The following LAMC1 variants were observed in gnomAD, a reference collection of about 807,000 sequenced individuals.
LAMC1 encodes the protein laminin subunit gamma-1.
LAMC1 carries 38 observed loss-of-function variants against 173.6 expected under a neutral mutation model. The observed-to-expected ratio is 0.22, with a 90% CI of 0.17 to 0.29. The LOEUF (loss-of-function observed/expected upper bound fraction) is 0.29. LAMC1 is among the 10% of genes least tolerant of loss of function. LAMC1 has a pLI of 1.00. For missense variants in LAMC1, 1,824 were observed against 2,051.8 expected (o/e 0.89, Z 2.14); for synonymous variants, 746 against 749.1 (o/e 1.00, Z 0.07).
chr1:183,101,986 CCCTGAATTGACCTCA>C (rs1655845665), intron 1 of LAMC1, among the ~76,000 whole-genome samples: 1 of 152,158 alleles, frequency 6.6e-6, no homozygotes, highest in Non-Finnish European at 1.5e-5. Flanking sequence ...CTCTTTTCCT[CCCTGAATTGACCTCA>C]CCCACTTACT....
At chr1:183,107,466 G>C (rs949047142) in intron 2 of LAMC1, among the ~76,000 whole-genome samples, 24 of 152,114 alleles carry the variant, frequency 1.6e-4, no homozygotes, top group African/African-American at 5.6e-4. Context: ...ATTTATTAGC[G>C]AGTACTTGAG....
intron 1 of LAMC1, among the ~76,000 whole-genome samples, chr1:183,050,272 T>C (rs1654380750): frequency 6.6e-6 from 1 of 151,002 alleles, no homozygotes; most frequent in Non-Finnish European, 1.5e-5. Flanking sequence ...CTGCTTGTTT[T>C]CTCAGATTCT....
chr1:183,048,475 T>C (rs2102020881), intron 1 of LAMC1, among the ~76,000 whole-genome samples: 1 of 152,342 alleles, frequency 6.6e-6, no homozygotes, highest in Middle Eastern at 3.4e-3. Flanking sequence ...CAGAATGACA[T>C]CCAATTCTGT....
At position 183,086,252 on chromosome 1, in the gene LAMC1, G is replaced by A. The variant is rs145920843; in HGVS notation, c.419-17076G>A. On this transcript the variant is annotated intron_variant, in intron 1 of 27. Coordinates refer to ENST00000258341, the MANE Select transcript of LAMC1 (RefSeq NM_002293.4). ...CAATGTGCTTATATGGCCGCGTTGCGATTATAATCCTCCTACATGCATAAG... is the reference window on the plus strand; with the variant it reads ...CAATGTGCTTATATGGCCGCGTTGCAATTATAATCCTCCTACATGCATAAG... 1.3e-3 allele frequency among the ~76,000 whole-genome samples: 195 copies of A among 152,304 alleles called. 1 individual carries two copies. Among genetic ancestry groups the A allele is most frequent in the Non-Finnish European group, 2.3e-3 (159 of 68,024 alleles).
chr1:183,029,646 T>C (rs1287710566), intron 1 of LAMC1, among the ~76,000 whole-genome samples: 1 of 152,150 alleles, frequency 6.6e-6, no homozygotes, highest in Non-Finnish European at 1.5e-5. Context: ...CTCCCCTTTC[T>C]GCCCCACTCC....
At chr1:183,057,910 A>T (rs961191827) in intron 1 of LAMC1, among the ~76,000 whole-genome samples, 1 of 152,146 alleles carries the variant, frequency 6.6e-6, no homozygotes, top group Non-Finnish European at 1.5e-5. Flanking sequence ...TAAACATATT[A>T]TATATTTTTA....
In LAMC1 at chr1:183,133,387, C is replaced by G; in HGVS notation, c.3705-19C>G. ...AAAGCAGCTAAGATTGTCATTAAAC[C>G]ACATTATTTGTGTCTTAGGTATGAA... On this transcript the variant is annotated intron_variant, in intron 21 of 27. Transcript: ENST00000258341. The G allele has an allele frequency of 6.3e-7, 1 of 1,599,168 alleles. No homozygotes were observed. Among genetic ancestry groups the G allele is most frequent in the Non-Finnish European group, 8.6e-7 (1 of 1,169,512 alleles).
intron 1 of LAMC1, among the ~76,000 whole-genome samples, chr1:183,043,525 A>G (rs574246775): frequency 1.1e-4 from 17 of 152,340 alleles, no homozygotes; most frequent in Admixed American, 9.2e-4. Flanking sequence ...ATAAGCAGAT[A>G]AAGTTTAATA....
At chr1:183,139,413 G>A (rs548745160) in intron 26 of LAMC1, among the ~76,000 whole-genome samples, 13 of 152,308 alleles carry the variant, frequency 8.5e-5, no homozygotes, top group Middle Eastern at 3.4e-3. Context: ...GAGACCACAG[G>A]TTAAATGCAG....
intron 18 of LAMC1, among the ~76,000 whole-genome samples, chr1:183,129,829 T>TA (rs11444089): frequency 0.52 from 78,707 of 151,970 alleles, 21,079 homozygotes; most frequent in South Asian, 0.65. Context: ...ATTACACTGA[T>TA]ATGCTGGCAC....
intron 1 of LAMC1, among the ~76,000 whole-genome samples, chr1:183,036,633 C>T (rs186248795): frequency 6.6e-6 from 1 of 152,164 alleles, no homozygotes; most frequent in Admixed American, 6.5e-5. Context: ...TCAAGTGATC[C>T]GCCCGCCTCG....
At chr1:183,024,690 TC>T (rs200312808) in intron 1 of LAMC1, among the ~76,000 whole-genome samples, 1,811 of 152,342 alleles carry the variant, frequency 0.012, 31 homozygotes, top group African/African-American at 0.039. Flanking sequence ...AAGTTATTGT[TC>T]TTTATAGCTG....
chr1:183,125,260 A>G, intron 14 of LAMC1, 137 bp from the exon 15 acceptor site: 1 of 817,932 alleles, frequency 1.2e-6, no homozygotes, highest in South Asian at 1.6e-5. Flanking sequence ...AGCCACATTT[A>G]AAGTGCTCAG....
chr1:183,029,560 A>T (rs962340139), intron 1 of LAMC1, among the ~76,000 whole-genome samples: 1 of 152,096 alleles, frequency 6.6e-6, no homozygotes, highest in African/African-American at 2.4e-5. Flanking sequence ...TTGTTGCTTC[A>T]CGTGTTCACA....
In LAMC1 at chr1:183,117,289, A is replaced by G. The variant is rs373029035; in HGVS notation, c.1565-31A>G. On this transcript the variant is annotated intron_variant, in intron 8 of 27. Transcript: ENST00000258341. ...CTGAATTCAGGATGTTTACAGTGTA[A>G]AGTGCTTGTGTTTTCCTTCTCTACC... 47 of 1,590,610 alleles carry G rather than the reference A, an allele frequency of 3.0e-5. No individual in the cohort carries two copies. The South Asian group carries it at 5.2e-4, about 18-fold the overall frequency.
At chr1:183,031,878 G>T (rs2102007573) in intron 1 of LAMC1, among the ~76,000 whole-genome samples, 1 of 151,830 alleles carries the variant, frequency 6.6e-6, no homozygotes, top group Non-Finnish European at 1.5e-5. Flanking sequence ...AACTTGCCCT[G>T]TGGAGAAGAA....
chr1:183,135,102 A>G lies in LAMC1; in HGVS notation c.4060A>G (p.Lys1354Glu). 6.2e-7 allele frequency: 1 copy of G among 1,614,172 alleles called. No individual in the cohort carries two copies. Among genetic ancestry groups the G allele is most frequent in the Non-Finnish European group, 8.5e-7 (1 of 1,180,010 alleles). Residue 1354 changes from lysine (K) to glutamate (E), a missense_variant, in exon 24 of 28, where the codon AAG (lysine) becomes GAG (glutamate). Lys to Glu is a moderately conservative substitution (Grantham distance 56, BLOSUM62 1). Coordinates refer to ENST00000258341, the MANE Select transcript of LAMC1 (RefSeq NM_002293.4). ...CAAGGCCCTCGCTGAAGAAGCTGCAAAGAAGGGACGGGATACCTTACAAGA... is the reference window on the plus strand; with the variant it reads ...CAAGGCCCTCGCTGAAGAAGCTGCAGAGAAGGGACGGGATACCTTACAAGA... Reference protein sequence around the residue: ...AAKALAEEAAKKGRDTLQEAN... With the variant: ...AAKALAEEAAEKGRDTLQEAN...
At chr1:183,029,301 C>T (rs1021281486) in intron 1 of LAMC1, among the ~76,000 whole-genome samples, 4 of 152,160 alleles carry the variant, frequency 2.6e-5, no homozygotes, top group African/African-American at 9.7e-5. Flanking sequence ...CTGTAAGTTC[C>T]TTACTGTAAG....
At chr1:183,127,173 A>G in intron 16 of LAMC1, 53 bp from the exon 17 acceptor site, 1 of 1,524,514 alleles carries the variant, frequency 6.6e-7, no homozygotes, top group Admixed American at 1.7e-5. Context: ...GAATTAAGAG[A>G]TATACTCTTC....
Sources: gnomAD v4.1 joint callset for allele counts (sites outside exome capture counted in the v4.1 genomes callset) on GRCh38, gnomAD v4.1.1 for gene constraint, MANE v1.5 for transcripts, NCBI Gene and HGNC (gene_info 2026-07-23, HGNC 2026-07-21) for gene names.